Variants in P2RX6 observed in about 807,000 individuals in gnomAD.
The protein encoded by P2RX6 is P2X purinoceptor 6.
In P2RX6, 62 loss-of-function variants were observed where a neutral mutation model predicts 54.2. That is an observed-to-expected ratio of 1.14 (90% CI 0.93 to 1.41). The LOEUF (loss-of-function observed/expected upper bound fraction) is 1.41, where lower values mean the gene tolerates loss of function less well. Ranked by LOEUF, P2RX6 falls within the 40% of genes most tolerant of loss-of-function variation. The probability of loss-of-function intolerance (pLI) is 0.00; values close to 1 mark genes in which losing one functional copy is unlikely to be tolerated. For synonymous variants in P2RX6, 211 were observed against 231.9 expected, an observed-to-expected ratio of 0.91 and a Z score of 0.82; for missense variants, 541 against 566.3, an observed-to-expected ratio of 0.96 and a Z score of 0.45.
intron 8 of P2RX6, 61 bp from the exon 9 acceptor site, chr22:21,025,744 G>C (rs1365162176): frequency 3.5e-5 from 46 of 1,308,804 alleles, no homozygotes; most frequent in Non-Finnish European, 4.8e-5. Context: ...AGGTCTGGCA[G>C]GGCCAGCCCC....
Position 21,026,336 on chromosome 22 carries a change from T to C in P2RX6, c.1128+7T>C. 6.2e-7 allele frequency: 1 copy of C among 1,601,192 alleles called. No individual in the cohort carries two copies. The highest frequency in any genetic ancestry group is 2.2e-5 in the East Asian group (1 of 44,480). ...GAGGACAAAGTATGAGGAGGTGAGC[T>C]GAGGTCGCTCTGCTTGGACCCTGGG... is the stretch of plus-strand genomic sequence containing the variant. On this transcript the variant is annotated splice_region_variant and intron_variant, in intron 11 of 11. Transcript: ENST00000413302. The surrounding 1 kb of genome is among the most constrained non-coding windows in gnomAD (Gnocchi z 4.0).
intron 3 of P2RX6, among the ~76,000 whole-genome samples, chr22:21,021,117 T>A (rs974412084): frequency 1.1e-4 from 16 of 152,090 alleles, no homozygotes; most frequent in Admixed American, 5.9e-4. Flanking sequence ...CTAAACTGTT[T>A]TTGTTTGTTT....
In P2RX6 at chr22:21,026,486, C is replaced by A. The variant is rs2148099899; in HGVS notation, c.1195C>A (p.Leu399Met). The stretch of plus-strand genomic sequence containing the variant: ...GCTGGCCCTTGCATCCCAAGCCCGA[C>A]TGGCCGAGTGCCTCAGACGGAGCTC... ...RELALASQAR[L>M]AECLRRSSAP... is the part of the protein sequence containing the mutation. The change falls in exon 12 of 12, where the codon CTG (leucine) becomes ATG (methionine). Residue 399 changes from leucine to methionine, a missense_variant. Physicochemically the swap from Leu to Met is conservative, Grantham distance 15. Transcript: ENST00000413302. This position sits in a 1 kb window ranked among gnomAD's most constrained non-coding sequence, Gnocchi z 4.0. 1 of 1,600,446 alleles carries A rather than the reference C, an allele frequency of 6.2e-7. No individual in the cohort carries two copies. Among genetic ancestry groups the A allele is most frequent in the South Asian group, 1.1e-5 (1 of 88,138 alleles).
chr22:21,020,373 T>G (rs1304998062), intron 3 of P2RX6, among the ~76,000 whole-genome samples: 5 of 152,098 alleles, frequency 3.3e-5, no homozygotes, highest in Non-Finnish European at 7.4e-5. Flanking sequence ...CTCCCTTACA[T>G]GCACCATGCT....
rs765937802 is a variant in P2RX6 at position 21,026,068 on chromosome 22, C to T, written c.1042C>T (p.Leu348=). The change falls in exon 10 of 12, where the codon CTG becomes TTG. Residue 348 remains leucine, a synonymous_variant. Transcript: ENST00000413302. This position sits in a 1 kb window ranked among gnomAD's most constrained non-coding sequence, Gnocchi z 4.0. ...CACACTGGGCACCGGGGCAGCTTGG[C>T]TGGGCGTGGTGAGTGCGAGCACTGT... is the stretch of plus-strand genomic sequence containing the variant. The part of the protein sequence containing the change: ...AVTLGTGAAW[L]GVVTFFCDLL... 28 of 1,610,418 alleles carry T rather than the reference C, an allele frequency of 1.7e-5. No individual in the cohort carries two copies. Among genetic ancestry groups the T allele is most frequent in the Non-Finnish European group, 2.4e-5 (28 of 1,178,864 alleles).
chr22:21,026,709 G>A lies in P2RX6; in HGVS notation c.*92G>A. 6.7e-7 allele frequency: 1 copy of A among 1,487,694 alleles called. No homozygotes were observed. The highest frequency in any genetic ancestry group is 9.0e-7 in the Non-Finnish European group (1 of 1,113,826). The allele number at this position is 1,487,694 out of a possible 1,614,324, so 92.2% of individuals were successfully genotyped here. On this transcript the variant is annotated 3_prime_UTR_variant, in exon 12 of 12. Transcript: ENST00000413302. This position sits in a 1 kb window ranked among gnomAD's most constrained non-coding sequence, Gnocchi z 4.0. The stretch of plus-strand genomic sequence containing the variant: ...GAGGCCCCAGCATGGAGGATTGGGG[G>A]TAGAATTCCACCCTTGAACCCCAGC...
Position 21,026,166 on chromosome 22 carries a change from C to T in P2RX6, c.1051-86C>T. 6.5e-7 allele frequency: 1 copy of T among 1,529,570 alleles called. No homozygotes were observed. Among genetic ancestry groups the T allele is most frequent in the Non-Finnish European group, 8.9e-7 (1 of 1,124,314 alleles). The allele number at this position is 1,529,570 out of a possible 1,614,324, so 94.7% of individuals were successfully genotyped here. ...TGCATGCTGGAGCCTCCGGTGCCTG[C>T]ACATTGAGTCTCGGGGTGCAGGCTG... is the stretch of plus-strand genomic sequence containing the variant. On this transcript the variant is annotated intron_variant, in intron 10 of 11. Coordinates refer to ENST00000413302, the MANE Select transcript of P2RX6 (RefSeq NM_005446.5). This position sits in a 1 kb window ranked among gnomAD's most constrained non-coding sequence, Gnocchi z 4.0.
In P2RX6 at chr22:21,023,168, C is replaced by T; in HGVS notation, c.608C>T (p.Thr203Ile). ...AQNFTLFIKN[T>I]VTFSKFNFSK... The stretch of plus-strand genomic sequence containing the variant: ...AACTTCACACTGTTCATCAAAAACA[C>T]AGTCACCTTCAGCAAGTTCAACTTC... The change falls in exon 6 of 12, where the codon ACA (threonine) becomes ATA (isoleucine). Residue 203 changes from threonine (T) to isoleucine (I), a missense_variant. By Grantham distance (89) the Thr-to-Ile change is moderately conservative. Around this residue, in one of 2 missense-constraint regions of P2RX6, gnomAD observed 526 missense variants for 531.5 expected, o/e 0.99. Transcript: ENST00000413302. 1 of 1,613,956 alleles carries T rather than the reference C, an allele frequency of 6.2e-7. No homozygotes were observed. Among genetic ancestry groups the T allele is most frequent in the South Asian group, 1.1e-5 (1 of 91,088 alleles).
chr22:21,010,537 C>G (rs569688548), upstream of P2RX6, among the ~76,000 whole-genome samples: 3 of 152,076 alleles, frequency 2.0e-5, no homozygotes, highest in Admixed American at 6.6e-5. Flanking sequence ...TCTCCTGGGG[C>G]ATCCATTAAA....
chr22:21,015,343 G>C lies in P2RX6; in HGVS notation c.164+5G>C. The C allele has an allele frequency of 6.5e-7, 1 of 1,550,116 alleles. No individual in the cohort carries two copies. Among genetic ancestry groups the C allele is most frequent in the African/African-American group, 1.4e-5 (1 of 70,290 alleles). ...GATCGTGGTCTATGTGGTAGGGTAA[G>C]AGAGAAGAGCTTTTGGCCAGGCTGG... On this transcript the variant is annotated splice_donor_5th_base_variant and intron_variant, in intron 1 of 11. Transcript: ENST00000413302.
At position 21,015,329 on chromosome 22, in the gene P2RX6, A is replaced by G. The variant is rs373395002; in HGVS notation, c.155A>G (p.Tyr52Cys). The G allele has an allele frequency of 3.4e-5, 52 of 1,551,182 alleles. No individual in the cohort carries two copies. In the African/African-American group the frequency reaches 6.4e-4, roughly 19 times the overall value. ...CTGCTGCAGTTTGGGATCGTGGTCT[A>G]TGTGGTAGGGTAAGAGAGAAGAGCT... ...QRLLQFGIVVYVVGWALLAKK... is the reference protein window; with the variant it reads ...QRLLQFGIVVCVVGWALLAKK... Residue 52 changes from tyrosine to cysteine, a missense_variant, in exon 1 of 12, where the codon TAT becomes TGT. Tyr to Cys is a radical substitution (Grantham distance 194). Coordinates refer to ENST00000413302, the MANE Select transcript of P2RX6 (RefSeq NM_005446.5).
chr22:21,012,127 A>G (rs1175719788), upstream of P2RX6, among the ~76,000 whole-genome samples: 1 of 152,198 alleles, frequency 6.6e-6, no homozygotes, highest in East Asian at 1.9e-4. Flanking sequence ...TCAGTGGCAG[A>G]GACAGCATTT....
At chr22:21,023,235 C>T in intron 6 of P2RX6, 37 bp downstream of exon 6, 2 of 1,613,926 alleles carry the variant, frequency 1.2e-6, no homozygotes, top group Non-Finnish European at 1.7e-6. Context: ...CAAGACCCTC[C>T]TTGTCCCCTA....
At chr22:21,023,248 T>G in intron 6 of P2RX6, 27 bp from the exon 7 acceptor site, 1 of 1,613,910 alleles carries the variant, frequency 6.2e-7, no homozygotes, top group African/African-American at 1.3e-5. Flanking sequence ...GTCCCCTACC[T>G]CATCTGACCT....
Position 21,015,954 on chromosome 22 carries a change from C to G in P2RX6, c.177C>G (p.Leu59=), listed in dbSNP as rs9620735. 2.6e-4 allele frequency: 399 copies of G among 1,549,710 alleles called. 3 individuals are homozygous for G. In the African/African-American group the frequency reaches 4.6e-3, roughly 18 times the overall value. ...TTCTCCTCCCCAGGTGGGCTCTCCT[C>G]GCCAAAAAAGGCTACCAGGAGCGGG... ...IVVYVVGWAL[L]AKKGYQERDL... is the part of the protein sequence containing the mutation. The change falls in exon 2 of 12, where the codon CTC becomes CTG. Residue 59 remains leucine (L), a synonymous_variant. Transcript: ENST00000413302.
chr22:21,015,729 G>A (rs866913385), intron 1 of P2RX6, among the ~76,000 whole-genome samples: 1 of 152,136 alleles, frequency 6.6e-6, no homozygotes, highest in Non-Finnish European at 1.5e-5. Context: ...GAAGGTGATT[G>A]TCTGAGGGCA....
intron 3 of P2RX6, among the ~76,000 whole-genome samples, chr22:21,021,204 T>C (rs1927344793): frequency 1.3e-5 from 2 of 152,210 alleles, no homozygotes; most frequent in South Asian, 4.1e-4. Context: ...CTCGAACTCC[T>C]GAGCTCAGGC....
chr22:21,025,180 C>T (rs2148082561), intron 8 of P2RX6, among the ~76,000 whole-genome samples: 1 of 152,326 alleles, frequency 6.6e-6, no homozygotes, highest in South Asian at 2.1e-4. Flanking sequence ...TGTGCCTGGC[C>T]TCAAGTTTCA....
Position 21,023,204 on chromosome 22 carries a change from C to T in P2RX6, c.638+6C>T. The T allele has an allele frequency of 6.2e-7, 1 of 1,613,876 alleles. No individual in the cohort carries two copies. Among genetic ancestry groups the T allele is most frequent in the East Asian group, 2.2e-5 (1 of 44,882 alleles). On this transcript the variant is annotated splice_donor_region_variant and intron_variant, in intron 6 of 11. Coordinates refer to ENST00000413302, the MANE Select transcript of P2RX6 (RefSeq NM_005446.5). Reference sequence around the variant, plus strand: ...AGCAAGTTCAACTTCTCTAAGTAAGCAGAGTGGGTCTCATCTGCCCCAAGA... The same window carrying T: ...AGCAAGTTCAACTTCTCTAAGTAAGTAGAGTGGGTCTCATCTGCCCCAAGA...
Sources: gnomAD v4.1 joint callset for allele counts (sites outside exome capture counted in the v4.1 genomes callset) on GRCh38, gnomAD v4.1.1 for gene constraint, gnomAD v4.1.1 regional missense constraint, Gnocchi (gnomAD v3.1) non-coding constraint, MANE v1.5 for transcripts, NCBI Gene and HGNC (gene_info 2026-07-23, HGNC 2026-07-21) for gene names.